Variants in CLNK observed in about 807,000 individuals in gnomAD.
The protein encoded by CLNK is cytokine dependent hematopoietic cell linker.
A neutral mutation model predicts 68.6 loss-of-function variants in CLNK; 74 were observed. The ratio of observed to expected loss-of-function variants is 1.08; its 90% CI spans 0.89 to 1.31. The LOEUF (loss-of-function observed/expected upper bound fraction) is 1.31. CLNK is among the 50% of genes most tolerant of loss of function. CLNK has a pLI of 0.00. For synonymous variants in CLNK, 198 were observed against 172.2 expected, an observed-to-expected ratio of 1.15 and a Z score of -1.17; for missense variants, 553 against 515.3, an observed-to-expected ratio of 1.07 and a Z score of -0.71.
intron 2 of CLNK, among the ~76,000 whole-genome samples, chr4:10,640,335 T>C (rs766697940): frequency 2.0e-4 from 31 of 152,178 alleles, no homozygotes; most frequent in Non-Finnish European, 1.2e-4. Context: ...CAACTAACTT[T>C]TGTATTTTTT....
At chr4:10,643,505 A>C (rs1375657770) in intron 2 of CLNK, among the ~76,000 whole-genome samples, 1 of 152,218 alleles carries the variant, frequency 6.6e-6, no homozygotes, top group African/African-American at 2.4e-5. Flanking sequence ...CTATCTCATA[A>C]CTTCCTGCTT....
At chr4:10,625,861 C>G (rs1722647702) in intron 2 of CLNK, among the ~76,000 whole-genome samples, 1 of 152,196 alleles carries the variant, frequency 6.6e-6, no homozygotes. Flanking sequence ...CAATGTAGCT[C>G]AAGGCTGAGG....
chr4:10,498,467 G>A (rs1716903428), intron 18 of CLNK, among the ~76,000 whole-genome samples: 1 of 152,124 alleles, frequency 6.6e-6, no homozygotes, highest in African/African-American at 2.4e-5. Flanking sequence ...ACTCCAGCCT[G>A]GGTGACAGAG....
At chr4:10,676,975 C>T (rs1338522935) in intron 1 of CLNK, among the ~76,000 whole-genome samples, 1 of 103,148 alleles carries the variant, frequency 9.7e-6, no homozygotes, top group Non-Finnish European at 2.0e-5. Flanking sequence ...CTCTGTCTCG[C>T]CCCTATTTTT....
At position 10,530,605 on chromosome 4, in the gene CLNK, G is replaced by T. The variant is rs892085412; in HGVS notation, c.630+1651C>A. 3.0e-4 allele frequency among the ~76,000 whole-genome samples: 46 copies of T among 152,142 alleles called. 1 individual carries two copies. The highest frequency in any genetic ancestry group is 6.3e-3 in the Middle Eastern group (2 of 316). On this transcript the variant is annotated intron_variant, in intron 12 of 18. Transcript: ENST00000226951. ...AAACAAACAGTTCTGCACATTTCCT[G>T]CCATCTAAGGCTGACCCCCCATCTC...
intron 8 of CLNK, among the ~76,000 whole-genome samples, chr4:10,544,475 G>A (rs919771583): frequency 1.3e-5 from 2 of 152,262 alleles, no homozygotes; most frequent in South Asian, 2.1e-4. Flanking sequence ...ATAAATAAAC[G>A]TTCATGGGTG....
intron 10 of CLNK, among the ~76,000 whole-genome samples, chr4:10,541,468 T>A (rs1719022377): frequency 6.6e-6 from 1 of 152,040 alleles, no homozygotes; most frequent in South Asian, 2.1e-4. Flanking sequence ...GCAGAGGTGC[T>A]CACAGGTCCC....
At chr4:10,561,798 C>G (rs1007079613) in intron 7 of CLNK, among the ~76,000 whole-genome samples, 1 of 152,140 alleles carries the variant, frequency 6.6e-6, no homozygotes, top group African/African-American at 2.4e-5. Context: ...AAGGCCAGAC[C>G]GAGAAAGTCT....
chr4:10,689,440 T>C (rs1725385891), upstream of CLNK, among the ~76,000 whole-genome samples: 1 of 152,186 alleles, frequency 6.6e-6, no homozygotes, highest in Admixed American at 6.5e-5. Context: ...CTGTCCTTTT[T>C]TGAAATGTTT....
At chr4:10,647,832 G>A (rs12650571) in intron 2 of CLNK, among the ~76,000 whole-genome samples, 49,380 of 151,984 alleles carry the variant, frequency 0.32, 8,273 homozygotes, top group African/African-American at 0.4. Context: ...ATGCAAGACC[G>A]ATAAACATAG....
chr4:10,667,327 CT>C (rs950394786), intron 2 of CLNK, among the ~76,000 whole-genome samples: 14 of 145,776 alleles, frequency 9.6e-5, no homozygotes, highest in African/African-American at 1.8e-4. Context: ...ATTTCAAAGT[CT>C]TTTTTTTTCA....
chr4:10,584,016 T>C (rs1720882099), intron 4 of CLNK, among the ~76,000 whole-genome samples: 1 of 152,186 alleles, frequency 6.6e-6, no homozygotes, highest in Non-Finnish European at 1.5e-5. Context: ...GTGCATTTGA[T>C]ACTAAAGACC....
chr4:10,722,649 C>A, the CLNK span, among the ~76,000 whole-genome samples: 1 of 152,198 alleles, frequency 6.6e-6, no homozygotes, highest in Non-Finnish European at 1.5e-5. Flanking sequence ...AAGAAGGAAG[C>A]AACAAAAGCA....
intron 2 of CLNK, among the ~76,000 whole-genome samples, chr4:10,646,779 C>T (rs140238314): frequency 1.3e-5 from 2 of 152,070 alleles, no homozygotes. Context: ...CACATTCAAA[C>T]CATTATTCTT....
intron 2 of CLNK, among the ~76,000 whole-genome samples, chr4:10,603,733 A>G (rs1187137251): frequency 6.6e-6 from 1 of 152,160 alleles, no homozygotes; most frequent in African/African-American, 2.4e-5. Flanking sequence ...GGCCAGGTCT[A>G]TGCACTCCTG....
At chr4:10,551,431 AT>A (rs71181045) in intron 8 of CLNK, among the ~76,000 whole-genome samples, 4 of 149,276 alleles carry the variant, frequency 2.7e-5, no homozygotes, top group East Asian at 3.9e-4. Context: ...ATATATATAT[AT>A]TTTTTTTTAG....
intron 2 of CLNK, among the ~76,000 whole-genome samples, chr4:10,611,968 A>T (rs1212023483): frequency 6.6e-6 from 1 of 152,180 alleles, no homozygotes; most frequent in Non-Finnish European, 1.5e-5. Context: ...GCCCCCAAAG[A>T]GCAGCCATCA....
chr4:10,530,219 A>G lies in CLNK; in HGVS notation c.630+2037T>C, dbSNP rs150257412. Among the ~76,000 whole-genome samples the G allele has an allele frequency of 1.6e-3, 245 of 152,236 alleles. 2 individuals carry two copies. Among genetic ancestry groups the G allele is most frequent in the African/African-American group, 5.6e-3 (232 of 41,546 alleles). ...CTGCTGGGTGTGAGGACTCTGGCCAAGTTTGCCACCTCTCCGGGGTTTCAT... is the reference window on the plus strand; with the variant it reads ...CTGCTGGGTGTGAGGACTCTGGCCAGGTTTGCCACCTCTCCGGGGTTTCAT... On this transcript the variant is annotated intron_variant, in intron 12 of 18. Transcript: ENST00000226951.
At chr4:10,587,881 C>T (rs990912638) in intron 3 of CLNK, among the ~76,000 whole-genome samples, 13 of 152,166 alleles carry the variant, frequency 8.5e-5, no homozygotes, top group African/African-American at 2.7e-4. Flanking sequence ...CGTGCAGCTG[C>T]GACCTCAGAG....
Sources: allele counts gnomAD v4.1 joint callset (sites outside exome capture counted in the v4.1 genomes callset), GRCh38; gene constraint gnomAD v4.1.1; transcripts MANE v1.5; gene names NCBI Gene and HGNC (gene_info 2026-07-23, HGNC 2026-07-21).